The following COL5A2 variants were observed in gnomAD, a reference collection of about 807,000 sequenced individuals.
COL5A2 encodes collagen type V alpha 2 chain, also known as collagen alpha-2(V) chain.
In COL5A2, 23 loss-of-function variants were observed where a neutral mutation model predicts 208.2. That is an observed-to-expected ratio of 0.11 (90% CI 0.08 to 0.16). The LOEUF (loss-of-function observed/expected upper bound fraction) is 0.16. Among genes scored for constraint, COL5A2 ranks in the 10% least tolerant of loss-of-function variants. COL5A2 has a pLI of 1.00. For synonymous variants in COL5A2, 625 were observed against 628.5 expected (o/e 0.99, Z 0.08); for missense variants, 1,590 against 1,956.4 (o/e 0.81, Z 3.53).
the COL5A2 span, among the ~76,000 whole-genome samples, chr2:189,302,802 G>T: frequency 6.6e-6 from 1 of 152,106 alleles, no homozygotes; most frequent in South Asian, 2.1e-4. Flanking sequence ...CAGTCCCCTA[G>T]TAGCTGGCTA....
chr2:189,057,502 C>T, intron 33 of COL5A2, 75 bp from the exon 34 acceptor site: 2 of 1,088,130 alleles, frequency 1.8e-6, no homozygotes, highest in Non-Finnish European at 2.8e-6. Flanking sequence ...TTTAGTGGGT[C>T]AAAAGTAGTT....
At chr2:189,398,417 G>C in the COL5A2 span, among the ~76,000 whole-genome samples, 1 of 152,008 alleles carries the variant, frequency 6.6e-6, no homozygotes, top group Non-Finnish European at 1.5e-5. Flanking sequence ...TACTGTCAAT[G>C]CTTGCTTTAT....
chr2:189,400,078 TTA>T, the COL5A2 span, among the ~76,000 whole-genome samples: 1 of 152,180 alleles, frequency 6.6e-6, no homozygotes, highest in East Asian at 1.9e-4. Flanking sequence ...TGATCTAATT[TTA>T]TGTTTTTCTT....
intron 1 of COL5A2, among the ~76,000 whole-genome samples, chr2:189,191,885 T>A (rs577029778): frequency 6.6e-6 from 1 of 151,920 alleles, no homozygotes; most frequent in South Asian, 2.1e-4. Flanking sequence ...ACATCTTTAC[T>A]CTTGTAAGAA....
chr2:189,057,232 A>G, intron 34 of COL5A2, 88 bp downstream of exon 34: 3 of 1,095,242 alleles, frequency 2.7e-6, no homozygotes, highest in Non-Finnish European at 2.7e-6. Context: ...GATGGTAGAA[A>G]TAAAAGCCTG....
At chr2:189,136,799 C>A (rs1231791375) in intron 1 of COL5A2, among the ~76,000 whole-genome samples, 1 of 151,788 alleles carries the variant, frequency 6.6e-6, no homozygotes, top group Non-Finnish European at 1.5e-5. Context: ...CTGCTTTTTT[C>A]CATTTTCTTG....
intron 47 of COL5A2, 44 bp from the exon 48 acceptor site, chr2:189,043,302 T>G: frequency 7.3e-7 from 1 of 1,376,928 alleles, no homozygotes; most frequent in Non-Finnish European, 1.0e-6. Context: ...CTACATATTA[T>G]TGTTGAGACT....
In COL5A2 at chr2:189,045,208, G is replaced by T; in HGVS notation, c.3334C>A (p.Pro1112Thr). The change falls in exon 47 of 54, where the codon CCT becomes ACT. Residue 1112 changes from proline (P) to threonine (T), a missense_variant. Pro to Thr is a conservative substitution (Grantham distance 38, BLOSUM62 -1). Transcript: ENST00000374866. ...AATCCACGTTTCCCAGCTCGACCAG[G>T]TGGTCCTATAGGACCCCGAGAACCC... ...DPGSRGPIGPPGRAGKRGLPG... is the reference protein window; with the variant it reads ...DPGSRGPIGPTGRAGKRGLPG... 5.6e-6 allele frequency: 9 copies of T among 1,607,494 alleles called. No individual in the cohort carries two copies. The highest frequency in any genetic ancestry group is 7.6e-6 in the Non-Finnish European group (9 of 1,177,386).
intron 1 of COL5A2, among the ~76,000 whole-genome samples, chr2:189,131,882 G>T (rs989988040): frequency 2.0e-5 from 3 of 152,150 alleles, no homozygotes; most frequent in Non-Finnish European, 4.4e-5. Flanking sequence ...AATTATACGT[G>T]TAAATTAGTA....
chr2:189,084,341 A>G (rs1453239362), intron 11 of COL5A2, among the ~76,000 whole-genome samples: 2 of 152,198 alleles, frequency 1.3e-5, no homozygotes. Context: ...ACACATAAAC[A>G]TACATGTATG....
the COL5A2 span, among the ~76,000 whole-genome samples, chr2:189,415,723 G>A: frequency 6.6e-6 from 1 of 152,088 alleles, no homozygotes; most frequent in Non-Finnish European, 1.5e-5. Context: ...GCAGTGGCAC[G>A]ACCTCGCCTC....
chr2:189,203,515 G>A (rs1345688986), intron 1 of COL5A2, among the ~76,000 whole-genome samples: 1 of 152,124 alleles, frequency 6.6e-6, no homozygotes, highest in African/African-American at 2.4e-5. Context: ...AGAACAAAGT[G>A]CCATTTTGAT....
At chr2:189,100,387 A>G (rs1687024491) in intron 3 of COL5A2, among the ~76,000 whole-genome samples, 1 of 152,172 alleles carries the variant, frequency 6.6e-6, no homozygotes, top group South Asian at 2.1e-4. Flanking sequence ...ATTTTGCTTC[A>G]GTTTCCACAT....
chr2:189,395,342 T>C, the COL5A2 span, among the ~76,000 whole-genome samples: 12 of 152,320 alleles, frequency 7.9e-5, no homozygotes, highest in East Asian at 2.3e-3. Flanking sequence ...AAAATGTTCA[T>C]CAATTAGTAG....
chr2:189,258,078 C>T, the COL5A2 span, among the ~76,000 whole-genome samples: 14 of 152,114 alleles, frequency 9.2e-5, no homozygotes, highest in African/African-American at 3.4e-4. Flanking sequence ...CGTGCCACTG[C>T]ACTCCAGCCT....
chr2:189,055,125 C>T lies in COL5A2; in HGVS notation c.2392-913G>A, dbSNP rs190449425. On this transcript the variant is annotated intron_variant, in intron 35 of 53. Coordinates refer to ENST00000374866, the MANE Select transcript of COL5A2 (RefSeq NM_000393.5). ...GTCTTGATCTCCTGCCCTCATGATC[C>T]GCCCACCTCAGCCTCCCAAAGTGCT... is the stretch of plus-strand genomic sequence containing the variant. Among the ~76,000 whole-genome samples the T allele has an allele frequency of 9.3e-4, 141 of 152,204 alleles. No individual in the cohort carries two copies. In the South Asian group the frequency reaches 0.012, roughly 13 times the overall value.
At chr2:189,070,966 A>G (rs1392842500) in intron 18 of COL5A2, among the ~76,000 whole-genome samples, 1 of 152,234 alleles carries the variant, frequency 6.6e-6, no homozygotes, top group African/African-American at 2.4e-5. Flanking sequence ...TGAATATGTC[A>G]TTAGAGAGAG....
intron 17 of COL5A2, 82 bp downstream of exon 17, chr2:189,075,311 T>C (rs1033645492): frequency 1.4e-5 from 14 of 980,064 alleles, no homozygotes; most frequent in South Asian, 2.6e-5. Flanking sequence ...ATGTGGTGAG[T>C]GCTCTGTAAA....
Position 189,203,656 on chromosome 2 carries a change from C to T in COL5A2, c.-42+21492G>A, listed in dbSNP as rs1339294230. Among the ~76,000 whole-genome samples, 3 of 152,118 alleles carry T rather than the reference C, an allele frequency of 2.0e-5. No homozygotes were observed. The South Asian group carries it at 6.2e-4, about 32-fold the overall frequency. ...TTACATGGTTACAGTTCTTTTCTTA[C>T]TTTAGAGACTTTATTATTTTCCACA... On this transcript the variant is annotated intron_variant, in intron 1 of 10. Transcript: ENST00000649966.
Sources: allele counts gnomAD v4.1 joint callset (sites outside exome capture counted in the v4.1 genomes callset), GRCh38; gene constraint gnomAD v4.1.1; transcripts MANE v1.5; gene names NCBI Gene and HGNC (gene_info 2026-07-23, HGNC 2026-07-21).